Variants in SPAG16 observed in about 807,000 individuals in gnomAD.
SPAG16 encodes sperm associated antigen 16.
In SPAG16, 86 loss-of-function variants were observed where a neutral mutation model predicts 80.4. That is an observed-to-expected ratio of 1.07 (90% CI 0.90 to 1.28). The LOEUF (loss-of-function observed/expected upper bound fraction) is 1.28. SPAG16 is among the 50% of genes most tolerant of loss of function. SPAG16 has a pLI of 0.00. For synonymous variants in SPAG16, 294 were observed against 265.9 expected, an observed-to-expected ratio of 1.11 and a Z score of -1.03; for missense variants, 870 against 765.3, an observed-to-expected ratio of 1.14 and a Z score of -1.61.
chr2:214,386,363 T>G (rs1158202291), intron 15 of SPAG16, among the ~76,000 whole-genome samples: 2 of 152,000 alleles, frequency 1.3e-5, no homozygotes, highest in Non-Finnish European at 2.9e-5. Flanking sequence ...CACACCACTG[T>G]ACTCCAGCCT....
chr2:214,015,855 G>C (rs2047567198), intron 13 of SPAG16, among the ~76,000 whole-genome samples: 1 of 152,126 alleles, frequency 6.6e-6, no homozygotes. Flanking sequence ...TGATAAGGAA[G>C]TAAGAGAGTC....
intron 10 of SPAG16, among the ~76,000 whole-genome samples, chr2:213,693,756 G>A (rs1297280274): frequency 1.3e-5 from 2 of 152,160 alleles, no homozygotes; most frequent in Admixed American, 6.5e-5. Context: ...ACTCTTTAGT[G>A]TGAAGTCAAG....
intron 7 of SPAG16, among the ~76,000 whole-genome samples, chr2:213,354,026 C>A (rs2065485809): frequency 6.6e-6 from 1 of 152,174 alleles, no homozygotes; most frequent in Admixed American, 6.5e-5. Context: ...TTAATGCTAT[C>A]CCTGTCCCAG....
intron 12 of SPAG16, among the ~76,000 whole-genome samples, chr2:213,964,888 T>G (rs1006577314): frequency 7.9e-5 from 12 of 152,136 alleles, no homozygotes; most frequent in Middle Eastern, 3.4e-3. Context: ...AATGCCATCA[T>G]ACCTTTGTTT....
chr2:213,370,416 A>G (rs974775552), intron 8 of SPAG16, among the ~76,000 whole-genome samples: 14 of 152,290 alleles, frequency 9.2e-5, no homozygotes, highest in African/African-American at 2.9e-4. Flanking sequence ...TCTTTATTGC[A>G]TATTTTACAA....
At chr2:213,841,658 C>A (rs1015283585) in intron 10 of SPAG16, among the ~76,000 whole-genome samples, 5 of 152,048 alleles carry the variant, frequency 3.3e-5, no homozygotes, top group Non-Finnish European at 7.4e-5. Flanking sequence ...ACAATTAGCA[C>A]CTTTGATAAT....
At chr2:214,147,184 A>G (rs1201059547) in intron 14 of SPAG16, among the ~76,000 whole-genome samples, 2 of 152,170 alleles carry the variant, frequency 1.3e-5, no homozygotes, top group Admixed American at 1.3e-4. Flanking sequence ...CATTAAAAGC[A>G]TTTCATAAAT....
chr2:213,899,359 A>G (rs1291242617), intron 11 of SPAG16, among the ~76,000 whole-genome samples: 1 of 152,148 alleles, frequency 6.6e-6, no homozygotes, highest in Non-Finnish European at 1.5e-5. Context: ...AAAACATATC[A>G]ATAAAAGGAA....
intron 15 of SPAG16, among the ~76,000 whole-genome samples, chr2:214,404,097 G>C (rs906050795): frequency 6.6e-6 from 1 of 152,160 alleles, no homozygotes; most frequent in Non-Finnish European, 1.5e-5. Flanking sequence ...ATACATTCAA[G>C]AAATGAGGGC....
Position 214,235,378 on chromosome 2 carries a change from C to T in SPAG16, c.1720+86112C>T, listed in dbSNP as rs560015623. Among the ~76,000 whole-genome samples the T allele has an allele frequency of 7.2e-5, 11 of 152,142 alleles. 1 individual carries two copies. The highest frequency in any genetic ancestry group is 2.6e-4 in the African/African-American group (11 of 41,520). On this transcript the variant is annotated intron_variant, in intron 15 of 15. Transcript: ENST00000331683. ...CATAGCTTTCTTAAATTAATATTTA[C>T]TCCTGAAATAAATATTATACCATAT...
At chr2:213,760,087 CCTT>C (rs2068572478) in intron 10 of SPAG16, among the ~76,000 whole-genome samples, 1 of 151,980 alleles carries the variant, frequency 6.6e-6, no homozygotes, top group African/African-American at 2.4e-5. Flanking sequence ...GAAGTAGCTT[CCTT>C]CTTTTCAGAA....
At chr2:213,310,215 C>A (rs2063125012) in intron 4 of SPAG16, 38 bp downstream of exon 4, 1 of 1,392,480 alleles carries the variant, frequency 7.2e-7, no homozygotes, top group South Asian at 1.2e-5. Flanking sequence ...TCTTAAAATT[C>A]TAACATTTAA....
At chr2:214,168,353 G>A (rs551688455) in intron 15 of SPAG16, among the ~76,000 whole-genome samples, 1 of 152,104 alleles carries the variant, frequency 6.6e-6, no homozygotes, top group South Asian at 2.1e-4. Flanking sequence ...ACAAAATAGT[G>A]CATGTTGTTT....
rs201966471 is a variant in SPAG16 at position 214,177,969 on chromosome 2, A to ATG, written c.1720+28705_1720+28706dup. On this transcript the variant is annotated intron_variant, in intron 15 of 15. Coordinates refer to ENST00000331683, the MANE Select transcript of SPAG16 (RefSeq NM_024532.5). ...TGTTATATCTAACTTCACAAAGTGT[A>ATG]TGTATATATATATATATATATATAT... 7.0e-3 allele frequency among the ~76,000 whole-genome samples: 523 copies of ATG among 75,132 alleles called. 16 individuals are homozygous for ATG. Among genetic ancestry groups the ATG allele is most frequent in the African/African-American group, 0.04 (460 of 11,506 alleles). 49.3% of individuals were successfully genotyped at this position (75,132 alleles called of 152,430 possible).
chr2:214,386,855 C>A (rs916504905), intron 15 of SPAG16, among the ~76,000 whole-genome samples: 2 of 134,716 alleles, frequency 1.5e-5, no homozygotes, highest in South Asian at 2.5e-4. Flanking sequence ...CAGAGTGAGA[C>A]CCTTGTCTCA....
intron 12 of SPAG16, among the ~76,000 whole-genome samples, chr2:213,980,792 C>T (rs1575720412): frequency 7.2e-6 from 1 of 139,060 alleles, no homozygotes; most frequent in African/African-American, 2.7e-5. Context: ...GCCTGTAATC[C>T]CAGCTACTTG....
intron 14 of SPAG16, among the ~76,000 whole-genome samples, chr2:214,119,855 C>A (rs2054127359): frequency 6.6e-6 from 1 of 151,762 alleles, no homozygotes; most frequent in South Asian, 2.1e-4. Context: ...ATTTTATTTT[C>A]ATTCTGTTAT....
intron 15 of SPAG16, among the ~76,000 whole-genome samples, chr2:214,287,224 A>T (rs1693432782): frequency 6.6e-6 from 1 of 152,020 alleles, no homozygotes; most frequent in African/African-American, 2.4e-5. Flanking sequence ...TGATTGCTGA[A>T]CTCTATCTGT....
chr2:213,552,994 C>T (rs568787780), intron 10 of SPAG16, among the ~76,000 whole-genome samples: 1 of 152,200 alleles, frequency 6.6e-6, no homozygotes, highest in Non-Finnish European at 1.5e-5. Context: ...GCTGCACTGT[C>T]AGCTTCCCTG....
Sources: gnomAD v4.1 joint callset for allele counts (sites outside exome capture counted in the v4.1 genomes callset) on GRCh38, gnomAD v4.1.1 for gene constraint, MANE v1.5 for transcripts, NCBI Gene and HGNC (gene_info 2026-07-23, HGNC 2026-07-21) for gene names.